DNAJC10: variants seen among roughly 807,000 people sequenced by gnomAD.
DNAJC10 encodes the protein DnaJ heat shock protein family (Hsp40) member C10.
Under a neutral mutation model 115.0 loss-of-function variants are expected in DNAJC10, and 101 were observed. The observed-to-expected ratio is 0.88, with a 90% CI of 0.75 to 1.04. The LOEUF (loss-of-function observed/expected upper bound fraction) is 1.04, where lower values mean the gene tolerates loss of function less well. DNAJC10 is among the 50% of genes least tolerant of loss of function. The pLI is 0.00. For missense variants in DNAJC10, 981 were observed against 928.8 expected, an observed-to-expected ratio of 1.06 and a Z score of -0.73; for synonymous variants, 307 against 301.5, an observed-to-expected ratio of 1.02 and a Z score of -0.19.
In DNAJC10 at chr2:182,733,782, CAGATAGATAGAT is replaced by C. The variant is rs61416628; in HGVS notation, c.849+1277_849+1288del. Among the ~76,000 whole-genome samples the C allele has an allele frequency of 2.9e-3, 411 of 142,528 alleles. 2 individuals are homozygous for C. The highest frequency in any genetic ancestry group is 8.4e-3 in the African/African-American group (327 of 39,088). 93.5% of individuals were successfully genotyped at this position (142,528 alleles called of 152,430 possible). A position where few individuals can be genotyped will look rare whatever the true frequency, so the allele number is the denominator to read the frequency against. On this transcript the variant is annotated intron_variant, in intron 10 of 23. Coordinates refer to ENST00000264065, the MANE Select transcript of DNAJC10 (RefSeq NM_018981.4). ...TTATAGACTTTTCTCCAATCTCTCT[CAGATAGATAGAT>C]AGATAGATAGATAGATAGATAGATA...
chr2:182,738,753 G>T (rs1160812573), intron 11 of DNAJC10, among the ~76,000 whole-genome samples: 1 of 152,142 alleles, frequency 6.6e-6, no homozygotes, highest in Admixed American at 6.5e-5. Flanking sequence ...TGTTAGCCAG[G>T]ATGGTCTCGA....
At chr2:182,746,544 G>A (rs1455110710) in intron 14 of DNAJC10, among the ~76,000 whole-genome samples, 2 of 152,284 alleles carry the variant, frequency 1.3e-5, no homozygotes, top group Admixed American at 6.5e-5. Context: ...TTTGAGAAGT[G>A]TCTGTTCATG....
chr2:182,731,930 CT>C (rs2105626604), intron 9 of DNAJC10, among the ~76,000 whole-genome samples: 1 of 152,254 alleles, frequency 6.6e-6, no homozygotes, highest in African/African-American at 2.4e-5. Flanking sequence ...AACAAAAGTT[CT>C]TACATTCTCT....
intron 14 of DNAJC10, among the ~76,000 whole-genome samples, chr2:182,746,186 G>A (rs926089218): frequency 4.4e-4 from 67 of 152,186 alleles, no homozygotes; most frequent in African/African-American, 1.4e-3. Flanking sequence ...GAATAATGCC[G>A]CAATAAACAT....
At position 182,778,082 on chromosome 2, in the gene DNAJC10, A is replaced by C. The variant is rs576606508; in HGVS notation, c.*950A>C. On this transcript the variant is annotated 3_prime_UTR_variant, in exon 24 of 24. Transcript: ENST00000264065. ...TGATAGTTGATTTTTGAGGCATCTA[A>C]TATTTACATATTTGCCTTCTGAACT... 1 of 152,262 alleles carries C rather than the reference A, an allele frequency of 6.6e-6. No individual in the cohort carries two copies. The highest frequency in any genetic ancestry group is 1.9e-4 in the East Asian group (1 of 5,190). 9.4% of individuals were successfully genotyped at this position (152,262 alleles called of 1,614,324 possible). A position where few individuals can be genotyped will look rare whatever the true frequency, so the allele number is the denominator to read the frequency against.
intron 16 of DNAJC10, 33 bp downstream of exon 16, chr2:182,752,221 AT>A (rs1694041634): frequency 1.7e-6 from 2 of 1,177,568 alleles, no homozygotes. Context: ...ATTCTAATTA[AT>A]TTTATAAAAT....
chr2:182,773,027 A>C (rs543526144), intron 22 of DNAJC10, among the ~76,000 whole-genome samples: 32 of 152,256 alleles, frequency 2.1e-4, no homozygotes, highest in African/African-American at 7.7e-4. Context: ...TCTTGTAAGG[A>C]AGGCCTGGTG....
chr2:182,781,406 T>C lies in DNAJC10; in HGVS notation c.*4274T>C, dbSNP rs1047576826. On this transcript the variant is annotated 3_prime_UTR_variant, in exon 24 of 24. Coordinates refer to ENST00000264065, the MANE Select transcript of DNAJC10 (RefSeq NM_018981.4). ...GGTTCCAAGTGTTTCCTATTGTGAA[T>C]AGTGCTCCAATAAACATACGTGTGC... is the stretch of plus-strand genomic sequence containing the variant. The C allele has an allele frequency of 6.6e-6, 1 of 152,224 alleles. No individual in the cohort carries two copies. The highest frequency in any genetic ancestry group is 2.4e-5 in the African/African-American group (1 of 41,456). The allele number at this position is 152,224 out of a possible 1,614,324, so 9.4% of individuals were successfully genotyped here. A position where few individuals can be genotyped will look rare whatever the true frequency, so the allele number is the denominator to read the frequency against.
rs76986871 is a variant in DNAJC10 at position 182,743,508 on chromosome 2, G to A, written c.1192-90G>A. 173 of 861,616 alleles carry A rather than the reference G, an allele frequency of 2.0e-4. 1 individual carries two copies. In the African/African-American group the frequency reaches 2.5e-3, roughly 12 times the overall value. 53.4% of individuals were successfully genotyped at this position (861,616 alleles called of 1,614,324 possible). ...CTTCTGTTTAAAAACTGTGTCATTA[G>A]GGCAGTGCCATTTTTGGATTATCAT... On this transcript the variant is annotated intron_variant, in intron 13 of 23. Coordinates refer to ENST00000264065, the MANE Select transcript of DNAJC10 (RefSeq NM_018981.4).
In DNAJC10 at chr2:182,755,060, T is replaced by A; in HGVS notation, c.1609T>A (p.Tyr537Asn). ...ATTCAACCAGTCCAACATTCATGAG[T>A]ATGAAGGACATCACTCTGCTGAACA... ...VVFNQSNIHE[Y>N]EGHHSAEQIL... Residue 537 changes from tyrosine (Y) to asparagine (N), a missense_variant, in exon 17 of 24, where the codon TAT becomes AAT. Transcript: ENST00000264065. 1 of 1,610,252 alleles carries A rather than the reference T, an allele frequency of 6.2e-7. No homozygotes were observed. Among genetic ancestry groups the A allele is most frequent in the Non-Finnish European group, 8.5e-7 (1 of 1,176,690 alleles).
intron 21 of DNAJC10, among the ~76,000 whole-genome samples, chr2:182,760,787 T>C (rs555425989): frequency 1.3e-5 from 2 of 152,274 alleles, no homozygotes; most frequent in South Asian, 4.1e-4. Flanking sequence ...GCCATGGGAA[T>C]TTTTTAGCAG....
intron 22 of DNAJC10, among the ~76,000 whole-genome samples, chr2:182,773,739 T>C (rs964524535): frequency 1.3e-5 from 2 of 152,246 alleles, no homozygotes; most frequent in Non-Finnish European, 2.9e-5. Context: ...CTAATCTTTT[T>C]TCAAGGTTTT....
In DNAJC10 at chr2:182,783,409, G is replaced by C. The variant is rs923278102; in HGVS notation, c.*6277G>C. The C allele has an allele frequency of 6.6e-6, 1 of 152,054 alleles. No homozygotes were observed. Among genetic ancestry groups the C allele is most frequent in the Non-Finnish European group, 1.5e-5 (1 of 68,006 alleles). 9.4% of individuals were successfully genotyped at this position (152,054 alleles called of 1,614,324 possible). ...CAAGTCATTAGATAAAGTATATGGC[G>C]TTAAGGCAAAAAATACATATACACA... On this transcript the variant is annotated 3_prime_UTR_variant, in exon 24 of 24. Transcript: ENST00000264065.
At chr2:182,775,185 A>G in intron 22 of DNAJC10, 131 bp from the exon 23 acceptor site, 1 of 634,620 alleles carries the variant, frequency 1.6e-6, no homozygotes, top group Non-Finnish European at 2.8e-6. Flanking sequence ...CTTGAAGAGA[A>G]TAAATTTGAA....
At chr2:182,762,182 G>A (rs1445271050) in intron 21 of DNAJC10, among the ~76,000 whole-genome samples, 1 of 151,090 alleles carries the variant, frequency 6.6e-6, no homozygotes, top group Non-Finnish European at 1.5e-5. Context: ...GAGAGAGAGC[G>A]TGAGAAGCAC....
At chr2:182,730,381 G>C (rs1693412816) in intron 8 of DNAJC10, among the ~76,000 whole-genome samples, 1 of 152,108 alleles carries the variant, frequency 6.6e-6, no homozygotes, top group South Asian at 2.1e-4. Flanking sequence ...GGCTCAAGAT[G>C]TTCATTTTAT....
At chr2:182,759,338 G>A in intron 21 of DNAJC10, 31 bp downstream of exon 21, 1 of 1,573,932 alleles carries the variant, frequency 6.4e-7, no homozygotes, top group Non-Finnish European at 8.6e-7. Flanking sequence ...ATAAGTTGTA[G>A]CCACATTCAT....
chr2:182,720,931 A>C (rs916279617), intron 4 of DNAJC10, among the ~76,000 whole-genome samples: 1 of 152,128 alleles, frequency 6.6e-6, no homozygotes, highest in Admixed American at 6.5e-5. Flanking sequence ...TTCGGTTGAC[A>C]TTAAGGTCAA....
intron 19 of DNAJC10, 105 bp downstream of exon 19, chr2:182,757,930 T>C (rs965479849): frequency 1.2e-5 from 8 of 654,624 alleles, no homozygotes; most frequent in African/African-American, 1.1e-4. Flanking sequence ...CAAATATTTA[T>C]TGGGAGCCCA....
Sources: allele counts gnomAD v4.1 joint callset (sites outside exome capture counted in the v4.1 genomes callset), GRCh38; gene constraint gnomAD v4.1.1; transcripts MANE v1.5; gene names NCBI Gene and HGNC (gene_info 2026-07-23, HGNC 2026-07-21).